Variants in KIF5A observed in about 807,000 individuals in gnomAD.
KIF5A encodes the protein kinesin heavy chain isoform 5A.
In KIF5A, 35 loss-of-function variants were observed where a neutral mutation model predicts 141.3. The observed-to-expected ratio is 0.25, with a 90% CI of 0.19 to 0.33. KIF5A has a LOEUF of 0.33. KIF5A is among the 10% of genes least tolerant of loss of function. The pLI, the probability that KIF5A is intolerant of heterozygous loss-of-function variation, is 1.00. For missense variants in KIF5A, 861 were observed against 1,314.3 expected (o/e 0.66, Z 5.33); for synonymous variants, 448 against 500.2 (o/e 0.90, Z 1.39).
intron 8 of KIF5A, 81 bp from the exon 9 acceptor site, chr12:57,568,882 G>T: frequency 2.2e-6 from 2 of 890,172 alleles, no homozygotes. Flanking sequence ...TTCCTCCGTG[G>T]ACTGAGCCCT....
rs769791770 is a variant in KIF5A, at chr12:57,581,422, C to A, written c.2763C>A (p.Pro921=). The change falls in exon 25 of 29, where the codon CCC becomes CCA. Residue 921 remains proline, a synonymous_variant. Transcript: ENST00000455537. The part of the protein sequence containing the change: ...KRGHSAQIAK[P]VRPGHYPASS... ...TTTCTTTCTTTATTGCAGCCAAACCCGTCCGGCCTGGCCACTACCCAGCAT... is the reference window on the plus strand; with the variant it reads ...TTTCTTTCTTTATTGCAGCCAAACCAGTCCGGCCTGGCCACTACCCAGCAT... The A allele has an allele frequency of 1.9e-6, 3 of 1,613,928 alleles. No individual in the cohort carries two copies. Among genetic ancestry groups the A allele is most frequent in the Non-Finnish European group, 2.5e-6 (3 of 1,180,018 alleles).
chr12:57,550,460 C>A lies in KIF5A; in HGVS notation c.129+60C>A. 1.3e-6 allele frequency: 2 copies of A among 1,582,552 alleles called. No individual in the cohort carries two copies. Among genetic ancestry groups the A allele is most frequent in the Admixed American group, 1.7e-5 (1 of 59,788 alleles). Reference sequence around the variant, plus strand: ...GCAGGTGGCTGAATCTCCCCGCCCCCCGCAGAGCCTTAGTCTCTGCTGGTC... The same window carrying A: ...GCAGGTGGCTGAATCTCCCCGCCCCACGCAGAGCCTTAGTCTCTGCTGGTC... On this transcript the variant is annotated intron_variant, in intron 1 of 28. Transcript: ENST00000455537. The surrounding 1 kb of genome is among the most constrained non-coding windows in gnomAD (Gnocchi z 4.6).
intron 23 of KIF5A, among the ~76,000 whole-genome samples, chr12:57,580,597 G>A (rs1882565175): frequency 6.6e-6 from 1 of 152,140 alleles, no homozygotes; most frequent in African/African-American, 2.4e-5. Flanking sequence ...GCCGCCCTGG[G>A]GCTATTGATC....
At chr12:57,573,329 C>T (rs1299905001) in intron 15 of KIF5A, among the ~76,000 whole-genome samples, 1 of 151,950 alleles carries the variant, frequency 6.6e-6, no homozygotes, top group Non-Finnish European at 1.5e-5. Context: ...CAGGAGTTCA[C>T]GACCAGCCTG....
At position 57,581,406 on chromosome 12, in the gene KIF5A, T is replaced by G. The variant is rs768635461; in HGVS notation, c.2756-9T>G. On this transcript the variant is annotated splice_polypyrimidine_tract_variant and intron_variant, in intron 24 of 28. Transcript: ENST00000455537. Reference sequence around the variant, plus strand: ...GCCTCCTCATGGTTGTTTTCTTTCTTTATTGCAGCCAAACCCGTCCGGCCT... The same window carrying G: ...GCCTCCTCATGGTTGTTTTCTTTCTGTATTGCAGCCAAACCCGTCCGGCCT... 6.2e-7 allele frequency: 1 copy of G among 1,613,620 alleles called. No homozygotes were observed. The highest frequency in any genetic ancestry group is 8.5e-7 in the Non-Finnish European group (1 of 1,180,000).
chr12:57,568,300 C>T lies in KIF5A; in HGVS notation c.715-663C>T, dbSNP rs142797463. Among the ~76,000 whole-genome samples, 170 of 152,344 alleles carry T rather than the reference C, an allele frequency of 1.1e-3. 1 individual carries two copies. Among genetic ancestry groups the T allele is most frequent in the East Asian group, 9.6e-3 (50 of 5,190 alleles). ...TGTTCCCAAGGTTGTGCAACCATTACGCTATCCAATTCTAGAGCACTGTCA... is the reference window on the plus strand; with the variant it reads ...TGTTCCCAAGGTTGTGCAACCATTATGCTATCCAATTCTAGAGCACTGTCA... On this transcript the variant is annotated intron_variant, in intron 8 of 28. Coordinates refer to ENST00000455537, the MANE Select transcript of KIF5A (RefSeq NM_004984.4).
chr12:57,559,961 G>A (rs1025236669), intron 1 of KIF5A, among the ~76,000 whole-genome samples: 1 of 152,050 alleles, frequency 6.6e-6, no homozygotes, highest in Non-Finnish European at 1.5e-5. Flanking sequence ...GCGCGATCTC[G>A]GCTCACTGCA....
chr12:57,556,434 A>G (rs1258073178), intron 1 of KIF5A, among the ~76,000 whole-genome samples: 1 of 152,004 alleles, frequency 6.6e-6, no homozygotes. Context: ...CACCGCGCCC[A>G]GCCCACTCTT....
At chr12:57,567,757 T>C in intron 8 of KIF5A, 139 bp downstream of exon 8, 1 of 871,308 alleles carries the variant, frequency 1.1e-6, no homozygotes, top group Non-Finnish European at 1.7e-6. Context: ...GCCTCCTGGG[T>C]TTAAGTGATT....
rs939938765 is a variant in KIF5A at position 57,584,681 on chromosome 12, A to G, written c.*500A>G. ...CAGAAGAATGTCTTAGCATCATGAG[A>G]CAGAGAAATAGACTCTTCCTCCCTC... On this transcript the variant is annotated 3_prime_UTR_variant, in exon 29 of 29. Transcript: ENST00000455537. 2.0e-5 allele frequency: 3 copies of G among 152,692 alleles called. No individual in the cohort carries two copies. The highest frequency in any genetic ancestry group is 7.2e-5 in the African/African-American group (3 of 41,454). The allele number at this position is 152,692 out of a possible 1,614,324, so 9.5% of individuals were successfully genotyped here. A position where few individuals can be genotyped will look rare whatever the true frequency, so the allele number is the denominator to read the frequency against.
At chr12:57,557,841 A>T (rs1300227572) in intron 1 of KIF5A, among the ~76,000 whole-genome samples, 2 of 152,148 alleles carry the variant, frequency 1.3e-5, no homozygotes. Flanking sequence ...ATAGGCATGT[A>T]CCACCATGCC....
chr12:57,581,365 C>A (rs773289224), intron 24 of KIF5A, 50 bp from the exon 25 acceptor site: 6 of 1,609,970 alleles, frequency 3.7e-6, no homozygotes, highest in Non-Finnish European at 5.1e-6. Context: ...GGGACCAGGG[C>A]AAATGCAGGG....
intron 6 of KIF5A, 42 bp downstream of exon 6, chr12:57,565,015 G>C: frequency 6.3e-7 from 1 of 1,577,638 alleles, no homozygotes; most frequent in Admixed American, 1.7e-5. Context: ...CCAGTGTATT[G>C]AGAATGTTGG....
chr12:57,557,931 G>T (rs1881794267), intron 1 of KIF5A, among the ~76,000 whole-genome samples: 2 of 152,150 alleles, frequency 1.3e-5, no homozygotes, highest in African/African-American at 4.8e-5. Flanking sequence ...ATATGAAAAG[G>T]TTTATATTGT....
chr12:57,580,964 T>C lies in KIF5A; in HGVS notation c.2547T>C (p.Arg849=). 1 of 1,613,990 alleles carries C rather than the reference T, an allele frequency of 6.2e-7. No homozygotes were observed. Among genetic ancestry groups the C allele is most frequent in the Non-Finnish European group, 8.5e-7 (1 of 1,179,966 alleles). Residue 849 remains arginine (R), a synonymous_variant, in exon 24 of 29, where the codon CGT becomes CGC. Coordinates refer to ENST00000455537, the MANE Select transcript of KIF5A (RefSeq NM_004984.4). ...TTTGGCTTGCCCCATAGCTGGTACG[T>C]GACAATGCAGATCTGCGTTGTGAGC... ...QLTKVHKQLV[R]DNADLRCELP...
chr12:57,553,067 G>A (rs990030966), intron 1 of KIF5A, among the ~76,000 whole-genome samples: 1 of 152,060 alleles, frequency 6.6e-6, no homozygotes, highest in African/African-American at 2.4e-5. Flanking sequence ...CTGGGTCACC[G>A]TCTGTGTGTG....
intron 15 of KIF5A, 24 bp from the exon 16 acceptor site, chr12:57,575,060 C>G (rs768564711): frequency 6.2e-7 from 1 of 1,612,502 alleles, no homozygotes; most frequent in Non-Finnish European, 8.5e-7. Flanking sequence ...CAAGAAGCAT[C>G]TCTTCCTCCT....
chr12:57,581,326 C>T, intron 24 of KIF5A, 89 bp from the exon 25 acceptor site: 3 of 1,576,900 alleles, frequency 1.9e-6, no homozygotes, highest in Middle Eastern at 3.3e-4. Context: ...TTACAAGCAA[C>T]TCAGTTCAAC....
At chr12:57,561,027 ATTAT>A (rs1400140292) in intron 1 of KIF5A, among the ~76,000 whole-genome samples, 1 of 151,782 alleles carries the variant, frequency 6.6e-6, no homozygotes, top group Non-Finnish European at 1.5e-5. Flanking sequence ...AGATTTTTTG[ATTAT>A]TTGTTTGTTT....
Sources: gnomAD v4.1 joint callset for allele counts (sites outside exome capture counted in the v4.1 genomes callset) on GRCh38, gnomAD v4.1.1 for gene constraint, Gnocchi (gnomAD v3.1) non-coding constraint, MANE v1.5 for transcripts, NCBI Gene and HGNC (gene_info 2026-07-23, HGNC 2026-07-21) for gene names.